SCAMP1: variants seen among roughly 807,000 people sequenced by gnomAD.
SCAMP1 encodes secretory carrier-associated membrane protein 1.
Under a neutral mutation model 41.8 loss-of-function variants are expected in SCAMP1, and 15 were observed. The ratio of observed to expected loss-of-function variants is 0.36; its 90% CI spans 0.24 to 0.55. SCAMP1 has a LOEUF of 0.55. SCAMP1 is among the 20% of genes least tolerant of loss of function. The pLI is 0.86. For missense variants in SCAMP1, 341 were observed against 412.6 expected (o/e 0.83, Z 1.50); for synonymous variants, 135 against 136.8 (o/e 0.99, Z 0.09).
chr5:78,399,677 A>G (rs1751751087), intron 2 of SCAMP1, among the ~76,000 whole-genome samples: 2 of 152,146 alleles, frequency 1.3e-5, no homozygotes, highest in Non-Finnish European at 2.9e-5. Context: ...GTTGAATTTT[A>G]AGGGTTCTTG....
intron 8 of SCAMP1, among the ~76,000 whole-genome samples, chr5:78,465,240 A>AC (rs373627808): frequency 2.0e-3 from 306 of 152,098 alleles, no homozygotes; most frequent in African/African-American, 6.7e-3. Flanking sequence ...GCTGTTAAGC[A>AC]CCCCCCGCGT....
At chr5:78,388,738 C>G in intron 1 of SCAMP1, 99 bp from the exon 2 acceptor site, 1 of 559,844 alleles carries the variant, frequency 1.8e-6, no homozygotes, top group Non-Finnish European at 3.1e-6. Flanking sequence ...AGCCTTGCTG[C>G]ATGACCACAA....
chr5:78,401,415 A>G (rs959493055), intron 2 of SCAMP1, among the ~76,000 whole-genome samples: 27 of 152,210 alleles, frequency 1.8e-4, no homozygotes, highest in Middle Eastern at 3.4e-3. Flanking sequence ...TAAAATTTCT[A>G]CCTTAAATGA....
intron 6 of SCAMP1, among the ~76,000 whole-genome samples, chr5:78,443,934 G>T (rs1752991927): frequency 6.6e-6 from 1 of 152,008 alleles, no homozygotes. Context: ...AGGATTACAA[G>T]CGTCAACCAT....
intron 2 of SCAMP1, among the ~76,000 whole-genome samples, chr5:78,391,160 C>G (rs1333496306): frequency 1.3e-5 from 2 of 152,224 alleles, no homozygotes; most frequent in Admixed American, 6.5e-5. Flanking sequence ...TCTCAATGAG[C>G]TGTTGGGTAC....
intron 6 of SCAMP1, among the ~76,000 whole-genome samples, chr5:78,427,791 T>C (rs1176341351): frequency 1.3e-5 from 2 of 152,170 alleles, no homozygotes; most frequent in Admixed American, 6.6e-5. Context: ...ACTGATGAAG[T>C]TTGAGCACCT....
At chr5:78,375,430 C>T (rs1427926358) in intron 1 of SCAMP1, among the ~76,000 whole-genome samples, 1 of 152,018 alleles carries the variant, frequency 6.6e-6, no homozygotes, top group Non-Finnish European at 1.5e-5. Context: ...GATACAGAAC[C>T]CAAGTCATAA....
chr5:78,402,630 A>G (rs184442677), intron 2 of SCAMP1, among the ~76,000 whole-genome samples: 3 of 152,172 alleles, frequency 2.0e-5, no homozygotes, highest in Non-Finnish European at 2.9e-5. Flanking sequence ...ATTTTTTATC[A>G]GTGTTAGCAT....
intron 7 of SCAMP1, among the ~76,000 whole-genome samples, chr5:78,455,960 A>T: frequency 2.6e-5 from 1 of 38,210 alleles, no homozygotes; most frequent in Non-Finnish European, 4.8e-5. Context: ...GTCTCTTTTG[A>T]TCTTTGTTGG....
At chr5:78,474,126 T>TA (rs1171972134) in intron 8 of SCAMP1, among the ~76,000 whole-genome samples, 2 of 151,976 alleles carry the variant, frequency 1.3e-5, no homozygotes, top group African/African-American at 4.8e-5. Flanking sequence ...GCTGGGACCA[T>TA]AGGTGTGTGC....
At chr5:78,360,749 C>G (rs1256460387) in intron 1 of SCAMP1, 21 bp downstream of exon 1, 10 of 1,598,692 alleles carry the variant, frequency 6.3e-6, no homozygotes, top group African/African-American at 2.7e-5. Flanking sequence ...GCCCCAGCAT[C>G]TCCTGCCGCC....
At chr5:78,429,498 C>T (rs951756033) in intron 6 of SCAMP1, among the ~76,000 whole-genome samples, 2 of 151,918 alleles carry the variant, frequency 1.3e-5, no homozygotes, top group Admixed American at 6.6e-5. Context: ...TTTTGTAAAC[C>T]AACCCTGCAT....
At chr5:78,380,418 A>G (rs1751173278) in intron 1 of SCAMP1, among the ~76,000 whole-genome samples, 1 of 152,246 alleles carries the variant, frequency 6.6e-6, no homozygotes, top group Non-Finnish European at 1.5e-5. Context: ...TTAGCAATGC[A>G]TGAGAATGCC....
chr5:78,471,755 G>A (rs59498644), intron 8 of SCAMP1, among the ~76,000 whole-genome samples: 2,314 of 152,124 alleles, frequency 0.015, 55 homozygotes, highest in African/African-American at 0.053. Context: ...GTGACACTTC[G>A]GCAGATACTT....
chr5:78,426,791 G>A, intron 6 of SCAMP1, among the ~76,000 whole-genome samples: 2 of 152,208 alleles, frequency 1.3e-5, no homozygotes, highest in East Asian at 3.9e-4. Context: ...TCTTTTCTGA[G>A]CATTTCATGT....
At chr5:78,461,769 G>A (rs1427741481) in intron 8 of SCAMP1, among the ~76,000 whole-genome samples, 2 of 152,026 alleles carry the variant, frequency 1.3e-5, no homozygotes, top group African/African-American at 4.8e-5. Context: ...TCACCATGTT[G>A]GCCAGGTTGG....
chr5:78,432,336 A>G (rs557642974), intron 6 of SCAMP1, among the ~76,000 whole-genome samples: 1 of 152,094 alleles, frequency 6.6e-6, no homozygotes, highest in African/African-American at 2.4e-5. Flanking sequence ...GTATCATATC[A>G]TAATCTTTTT....
chr5:78,370,609 G>T (rs1750918932), intron 1 of SCAMP1: 1 of 152,078 alleles, frequency 6.6e-6, no homozygotes, highest in Admixed American at 6.5e-5. Context: ...TCTGTTTTTT[G>T]TCTATTACAG....
intron 2 of SCAMP1, among the ~76,000 whole-genome samples, chr5:78,410,324 G>A (rs1214030729): frequency 6.6e-6 from 1 of 151,754 alleles, no homozygotes; most frequent in African/African-American, 2.4e-5. Flanking sequence ...ACAGGCCCCA[G>A]TGTGTGTTTT....
Sources: allele counts gnomAD v4.1 joint callset (sites outside exome capture counted in the v4.1 genomes callset), GRCh38; gene constraint gnomAD v4.1.1; transcripts MANE v1.5; gene names NCBI Gene and HGNC (gene_info 2026-07-23, HGNC 2026-07-21).